FOXJ1: variants seen among roughly 807,000 people sequenced by gnomAD.
The protein encoded by FOXJ1 is forkhead box protein J1.
In FOXJ1, 8 loss-of-function variants were observed where a neutral mutation model predicts 29.3. That is an observed-to-expected ratio of 0.27 (90% CI 0.16 to 0.49). FOXJ1 has a LOEUF of 0.49. Ranked by LOEUF, FOXJ1 falls within the 20% of genes least tolerant of loss-of-function variation. The pLI is 0.98. For synonymous variants in FOXJ1, 280 were observed against 278.7 expected (o/e 1.00, Z -0.05); for missense variants, 539 against 595.5 (o/e 0.91, Z 0.99).
Position 76,139,882 on chromosome 17 carries a change from C to A in FOXJ1, c.498+16G>T. 8 of 1,570,822 alleles carry A rather than the reference C, an allele frequency of 5.1e-6. No homozygotes were observed. Among genetic ancestry groups the A allele is most frequent in the Non-Finnish European group, 6.9e-6 (8 of 1,159,364 alleles). ...GGGAATGGGGAGGGAGCGGCCGCCG[C>A]CCGTGCCTCCTCTACCTGCCAGGTG... is the stretch of plus-strand genomic sequence containing the variant. On this transcript the variant is annotated intron_variant, in intron 2 of 2. Transcript: ENST00000322957. The surrounding 1 kb of genome is among the most constrained non-coding windows in gnomAD (Gnocchi z 6.6).
rs767689240 is a variant in FOXJ1, at chr17:76,137,533, C to T, written c.1086G>A (p.Ser362=). 2.0e-5 allele frequency: 32 copies of T among 1,594,194 alleles called. No homozygotes were observed. Among genetic ancestry groups the T allele is most frequent in the Non-Finnish European group, 2.6e-5 (30 of 1,170,730 alleles). ...CCAGGCTGTCGGCAGCCTGCTCCACCGAAGGCCCCCAGGTGGCAGGGCAGT... is the reference window on the plus strand; with the variant it reads ...CCAGGCTGTCGGCAGCCTGCTCCACTGAAGGCCCCCAGGTGGCAGGGCAGT... ...HIDCPATWGP[S]VEQAADSLDF... The change falls in exon 3 of 3, where the codon TCG becomes TCA. Residue 362 remains serine, a synonymous_variant. Coordinates refer to ENST00000322957, the MANE Select transcript of FOXJ1 (RefSeq NM_001454.4). The surrounding 1 kb of genome is among the most constrained non-coding windows in gnomAD (Gnocchi z 9.5).
rs753247265 is a variant in FOXJ1 at position 76,137,416 on chromosome 17, C to T, written c.1203G>A (p.Glu401=). 6.5e-7 allele frequency: 1 copy of T among 1,538,362 alleles called. No individual in the cohort carries two copies. The change falls in exon 3 of 3, where the codon GAG becomes GAA. Residue 401 remains glutamate, a synonymous_variant. Coordinates refer to ENST00000322957, the MANE Select transcript of FOXJ1 (RefSeq NM_001454.4). The surrounding 1 kb of genome is among the most constrained non-coding windows in gnomAD (Gnocchi z 9.5). Reference sequence around the variant, plus strand: ...CGGAGGCCAGGGTGGCATCCCCAGCCTCAAAGAGGGGCTCCGGGGGCAGGC... The same window carrying T: ...CGGAGGCCAGGGTGGCATCCCCAGCTTCAAAGAGGGGCTCCGGGGGCAGGC... ...SGCLPPEPLF[E]AGDATLASDL...
At chr17:76,138,887 C>A (rs1458158876) in intron 2 of FOXJ1, among the ~76,000 whole-genome samples, 1 of 152,176 alleles carries the variant, frequency 6.6e-6, no homozygotes, top group Non-Finnish European at 1.5e-5. Flanking sequence ...CTGTGGCCTG[C>A]CCGCTTTGGG....
Position 76,140,217 on chromosome 17 carries a change from T to G in FOXJ1, c.179A>C (p.His60Pro). Residue 60 changes from histidine to proline, a missense_variant, in exon 2 of 3, where the codon CAC (histidine) becomes CCC (proline). Around this residue, in one of 3 missense-constraint regions of FOXJ1, gnomAD observed 178 missense variants for 254.4 expected, o/e 0.70. Transcript: ENST00000322957. The surrounding 1 kb of genome is among the most constrained non-coding windows in gnomAD (Gnocchi z 8.0). Reference sequence around the variant, plus strand: ...TGAACCTGGCACCTGGTGGTAGCCGTGGGGGTCGGTGCCCCCCGGGGGCAG... The same window carrying G: ...TGAACCTGGCACCTGGTGGTAGCCGGGGGGGTCGGTGCCCCCCGGGGGCAG... Reference protein sequence around the residue: ...PALPPGGTDPHGYHQVPGSAA... With the variant: ...PALPPGGTDPPGYHQVPGSAA... 1.4e-6 allele frequency: 2 copies of G among 1,448,860 alleles called. No individual in the cohort carries two copies. Among genetic ancestry groups the G allele is most frequent in the South Asian group, 1.5e-5 (1 of 65,990 alleles). 89.8% of individuals were successfully genotyped at this position (1,448,860 alleles called of 1,614,324 possible).
Position 76,140,369 on chromosome 17 carries a change from C to G in FOXJ1, c.27G>C (p.Ser9=), listed in dbSNP as rs1210983029. 3 of 1,489,290 alleles carry G rather than the reference C, an allele frequency of 2.0e-6. No individual in the cohort carries two copies. Among genetic ancestry groups the G allele is most frequent in the Non-Finnish European group, 1.8e-6 (2 of 1,127,082 alleles). 92.3% of individuals were successfully genotyped at this position (1,489,290 alleles called of 1,614,324 possible). ...CGGCCTCCTCCGCCGGCCCGGCTCC[C>G]GAGAGGCGCAGCCAGCTCTCCGCCA... MAESWLRL[S]GAGPAEEAGP... The change falls in exon 2 of 3, where the codon TCG becomes TCC. Residue 9 remains serine, a synonymous_variant. Coordinates refer to ENST00000322957, the MANE Select transcript of FOXJ1 (RefSeq NM_001454.4). The surrounding 1 kb of genome is among the most constrained non-coding windows in gnomAD (Gnocchi z 8.0).
chr17:76,140,102 C>G lies in FOXJ1; in HGVS notation c.294G>C (p.Arg98=), dbSNP rs1283026774. ...PGKPTSSCTS[R]SAPPGLQAPP... is the part of the protein sequence containing the mutation. ...GGGCCTGCAGCCCCGGGGGCGCGCT[C>G]CGCGACGTGCACGACGACGTGGGCT... is the stretch of plus-strand genomic sequence containing the variant. The change falls in exon 2 of 3, where the codon CGG becomes CGC. Residue 98 remains arginine (R), a synonymous_variant. Transcript: ENST00000322957. The surrounding 1 kb of genome is among the most constrained non-coding windows in gnomAD (Gnocchi z 8.0). 6.2e-7 allele frequency: 1 copy of G among 1,600,864 alleles called. No individual in the cohort carries two copies. Among genetic ancestry groups the G allele is most frequent in the African/African-American group, 1.3e-5 (1 of 74,800 alleles).
chr17:76,138,462 C>T lies in FOXJ1; in HGVS notation c.499-342G>A, dbSNP rs190870073. 3.9e-5 allele frequency among the ~76,000 whole-genome samples: 6 copies of T among 152,296 alleles called. No individual in the cohort carries two copies. In the East Asian group the frequency reaches 7.7e-4, roughly 20 times the overall value. On this transcript the variant is annotated intron_variant, in intron 2 of 2. Coordinates refer to ENST00000322957, the MANE Select transcript of FOXJ1 (RefSeq NM_001454.4). ...GCTGACAGCCTCTGGCCAAAGCCCT[C>T]GGCTCCCCCAGGGCCTGGACCACCG... is the stretch of plus-strand genomic sequence containing the variant.
rs1231642470 is a variant in FOXJ1 at position 76,137,509 on chromosome 17, C to T, written c.1110G>A (p.Leu370=). 6.3e-7 allele frequency: 1 copy of T among 1,588,412 alleles called. No homozygotes were observed. ...TGGCCAGGAAGGTCTCATCGAAGTC[C>T]AGGCTGTCGGCAGCCTGCTCCACCG... ...GPSVEQAADS[L]DFDETFLATS... Residue 370 remains leucine, a synonymous_variant, in exon 3 of 3, where the codon CTG becomes CTA. Coordinates refer to ENST00000322957, the MANE Select transcript of FOXJ1 (RefSeq NM_001454.4). This position sits in a 1 kb window ranked among gnomAD's most constrained non-coding sequence, Gnocchi z 9.5.
Position 76,140,062 on chromosome 17 carries a change from C to T in FOXJ1, c.334G>A (p.Val112Met). 2 of 1,608,424 alleles carry T rather than the reference C, an allele frequency of 1.2e-6. No individual in the cohort carries two copies. The highest frequency in any genetic ancestry group is 1.7e-6 in the Non-Finnish European group (2 of 1,179,842). Residue 112 changes from valine (V) to methionine (M), a missense_variant, in exon 2 of 3, where the codon GTG becomes ATG. Physicochemically the swap from Val to Met is conservative, Grantham distance 21 (BLOSUM62 1). This residue lies in a region of FOXJ1 where 178 missense variants were observed against 254.4 expected (regional missense o/e 0.70). Transcript: ENST00000322957. The surrounding 1 kb of genome is among the most constrained non-coding windows in gnomAD (Gnocchi z 8.0). Reference protein sequence around the residue: ...PGLQAPPPDDVDYATNPHVKP... With the variant: ...PGLQAPPPDDMDYATNPHVKP... ...ACGTGCGGATTGGTGGCGTAGTCCA[C>T]GTCGTCGGGGGGTGGGGCCTGCAGC...
chr17:76,140,071 G>T lies in FOXJ1; in HGVS notation c.325C>A (p.Pro109Thr), dbSNP rs779787311. The T allele has an allele frequency of 6.2e-6, 10 of 1,607,218 alleles. No individual in the cohort carries two copies. The highest frequency in any genetic ancestry group is 1.6e-4 in the Middle Eastern group (1 of 6,074). ...TTGGTGGCGTAGTCCACGTCGTCGG[G>T]GGGTGGGGCCTGCAGCCCCGGGGGC... ...SAPPGLQAPP[P>T]DDVDYATNPH... Residue 109 changes from proline (P) to threonine (T), a missense_variant, in exon 2 of 3, where the codon CCC becomes ACC. Transcript: ENST00000322957. This position sits in a 1 kb window ranked among gnomAD's most constrained non-coding sequence, Gnocchi z 8.0.
rs2144764728 is a variant in FOXJ1, at chr17:76,139,784, G to C, written c.498+114C>G. On this transcript the variant is annotated intron_variant, in intron 2 of 2. Coordinates refer to ENST00000322957, the MANE Select transcript of FOXJ1 (RefSeq NM_001454.4). The surrounding 1 kb of genome is among the most constrained non-coding windows in gnomAD (Gnocchi z 6.6). ...CCTTTGCAGGGCTCCCTTCTGGGGC[G>C]CTGGCCGCACCGCAGAGCCTACTTG... 1 of 1,178,560 alleles carries C rather than the reference G, an allele frequency of 8.5e-7. No individual in the cohort carries two copies. The highest frequency in any genetic ancestry group is 1.5e-5 in the South Asian group (1 of 67,858). The allele number at this position is 1,178,560 out of a possible 1,614,324, so 73.0% of individuals were successfully genotyped here.
intron 2 of FOXJ1, 117 bp from the exon 3 acceptor site, chr17:76,138,237 AG>A (rs34418968): frequency 1.7e-5 from 18 of 1,065,828 alleles, no homozygotes; most frequent in African/African-American, 7.9e-5. Flanking sequence ...AGGGGAGAGG[AG>A]GGGGGGACAG....
rs771944416 is a variant in FOXJ1 at position 76,140,320 on chromosome 17, GCTCCTCCAGGCCGCCCTCCGGCCCGGC to G, written c.49_75del (p.Ala17_Glu25del). 2.7e-6 allele frequency: 4 copies of G among 1,493,492 alleles called. No homozygotes were observed. The highest frequency in any genetic ancestry group is 1.3e-5 in the South Asian group (1 of 75,346). The allele number at this position is 1,493,492 out of a possible 1,614,324, so 92.5% of individuals were successfully genotyped here. A position where few individuals can be genotyped will look rare whatever the true frequency, so the allele number is the denominator to read the frequency against. On this transcript the variant is annotated inframe_deletion, in exon 2 of 3. Transcript: ENST00000322957. The surrounding 1 kb of genome is among the most constrained non-coding windows in gnomAD (Gnocchi z 8.0). Reference sequence around the variant, plus strand: ...GTCAGGCTGTCATCCAGGGCGTCGGGCTCCTCCAGGCCGCCCTCCGGCCCGGCCTCCTCCGCCGGCCCGGCTCCCGAG... The same window carrying G: ...GTCAGGCTGTCATCCAGGGCGTCGGGCTCCTCCGCCGGCCCGGCTCCCGAG...
Position 76,139,232 on chromosome 17 carries a change from C to A in FOXJ1, c.498+666G>T, listed in dbSNP as rs1346319838. 6.6e-6 allele frequency among the ~76,000 whole-genome samples: 1 copy of A among 152,192 alleles called. No individual in the cohort carries two copies. Among genetic ancestry groups the A allele is most frequent in the African/African-American group, 2.4e-5 (1 of 41,448 alleles). On this transcript the variant is annotated intron_variant, in intron 2 of 2. Coordinates refer to ENST00000322957, the MANE Select transcript of FOXJ1 (RefSeq NM_001454.4). The surrounding 1 kb of genome is among the most constrained non-coding windows in gnomAD (Gnocchi z 6.6). ...CAGAGCCCCAGTGGAAGGCACCTGG[C>A]TCAGGTAATTGTCCCCCCAGGGAGG...
chr17:76,138,679 T>TC (rs1598373431), intron 2 of FOXJ1, among the ~76,000 whole-genome samples: 1 of 151,408 alleles, frequency 6.6e-6, no homozygotes, highest in African/African-American at 2.4e-5. Context: ...CACGGCCCCC[T>TC]CCCCCCACTC....
chr17:76,138,987 C>T (rs967125755), intron 2 of FOXJ1, among the ~76,000 whole-genome samples: 1 of 152,224 alleles, frequency 6.6e-6, no homozygotes, highest in Non-Finnish European at 1.5e-5. Flanking sequence ...AGGGCACTGC[C>T]TACCCAGCCT....
rs1299604243 is a variant in FOXJ1 at position 76,139,244 on chromosome 17, T to A, written c.498+654A>T. Among the ~76,000 whole-genome samples the A allele has an allele frequency of 5.3e-5, 8 of 151,922 alleles. No individual in the cohort carries two copies. The highest frequency in any genetic ancestry group is 4.6e-4 in the Admixed American group (7 of 15,272). On this transcript the variant is annotated intron_variant, in intron 2 of 2. Transcript: ENST00000322957. The surrounding 1 kb of genome is among the most constrained non-coding windows in gnomAD (Gnocchi z 6.6). The stretch of plus-strand genomic sequence containing the variant: ...GGAAGGCACCTGGCTCAGGTAATTG[T>A]CCCCCCAGGGAGGTTGGCTGACAGC...
rs1389204198 is a variant in FOXJ1 at position 76,137,736 on chromosome 17, T to G, written c.883A>C (p.Thr295Pro). The G allele has an allele frequency of 6.2e-7, 1 of 1,610,792 alleles. No individual in the cohort carries two copies. ...VPRPPSTLLP[T>P]PEEQGELEPL... Reference sequence around the variant, plus strand: ...TCCAGCTCACCCTGCTCCTCCGGGGTGGGCAGCAGGGTGCTGGGGGGCCGC... The same window carrying G: ...TCCAGCTCACCCTGCTCCTCCGGGGGGGGCAGCAGGGTGCTGGGGGGCCGC... Residue 295 changes from threonine to proline, a missense_variant, in exon 3 of 3, where the codon ACC (threonine) becomes CCC (proline). This residue lies in a region of FOXJ1 where 302 missense variants were observed against 293.6 expected (regional missense o/e 1.03). Transcript: ENST00000322957. This position sits in a 1 kb window ranked among gnomAD's most constrained non-coding sequence, Gnocchi z 9.5.
rs1284214328 is a variant in FOXJ1, at chr17:76,140,357, C to T, written c.39G>A (p.Pro13=). 2 of 1,493,974 alleles carry T rather than the reference C, an allele frequency of 1.3e-6. No homozygotes were observed. Among genetic ancestry groups the T allele is most frequent in the Middle Eastern group, 1.8e-4 (1 of 5,570 alleles). The allele number at this position is 1,493,974 out of a possible 1,614,324, so 92.5% of individuals were successfully genotyped here. The change falls in exon 2 of 3, where the codon CCG becomes CCA. Residue 13 remains proline (P), a synonymous_variant. Coordinates refer to ENST00000322957, the MANE Select transcript of FOXJ1 (RefSeq NM_001454.4). This position sits in a 1 kb window ranked among gnomAD's most constrained non-coding sequence, Gnocchi z 8.0. ...CGCCCTCCGGCCCGGCCTCCTCCGCCGGCCCGGCTCCCGAGAGGCGCAGCC... is the reference window on the plus strand; with the variant it reads ...CGCCCTCCGGCCCGGCCTCCTCCGCTGGCCCGGCTCCCGAGAGGCGCAGCC... ...ESWLRLSGAG[P]AEEAGPEGGL...
Sources: gnomAD v4.1 joint callset for allele counts (sites outside exome capture counted in the v4.1 genomes callset) on GRCh38, gnomAD v4.1.1 for gene constraint, gnomAD v4.1.1 regional missense constraint, Gnocchi (gnomAD v3.1) non-coding constraint, MANE v1.5 for transcripts, NCBI Gene and HGNC (gene_info 2026-07-23, HGNC 2026-07-21) for gene names.